The following MSRA variants were observed in gnomAD, a reference collection of about 807,000 sequenced individuals.
The protein encoded by MSRA is methionine sulfoxide reductase A, also known as mitochondrial peptide methionine sulfoxide reductase.
Under a neutral mutation model 31.3 loss-of-function variants are expected in MSRA, and 54 were observed. The observed-to-expected ratio is 1.73, with a 90% CI of 1.39 to 2.17. MSRA has a LOEUF of 2.17. Among genes scored for constraint, MSRA ranks in the 30% most tolerant of loss-of-function variants. The probability of loss-of-function intolerance (pLI) is 0.00; values close to 1 mark genes in which losing one functional copy is unlikely to be tolerated. For missense variants in MSRA, 507 were observed against 300.9 expected (o/e 1.69, Z -5.07); for synonymous variants, 169 against 116.5 (o/e 1.45, Z -2.90).
intron 1 of MSRA, among the ~76,000 whole-genome samples, chr8:10,081,940 A>T: frequency 6.6e-6 from 1 of 152,276 alleles, no homozygotes; most frequent in East Asian, 1.9e-4. Flanking sequence ...TTGGTGGCTC[A>T]TGCCTGTGTC....
At chr8:10,118,517 C>G (rs1224619551) in intron 1 of MSRA, among the ~76,000 whole-genome samples, 1 of 152,092 alleles carries the variant, frequency 6.6e-6, no homozygotes, top group Admixed American at 6.5e-5. Context: ...CTCTATTTCC[C>G]CCACCATAGA....
intron 3 of MSRA, among the ~76,000 whole-genome samples, chr8:10,300,166 A>G (rs1400632878): frequency 6.6e-6 from 1 of 151,790 alleles, no homozygotes; most frequent in Non-Finnish European, 1.5e-5. Flanking sequence ...GTGCATGCAC[A>G]CATCTGGTAG....
intron 3 of MSRA, among the ~76,000 whole-genome samples, chr8:10,248,871 C>T (rs540937125): frequency 2.0e-5 from 3 of 152,298 alleles, no homozygotes; most frequent in Admixed American, 6.5e-5. Flanking sequence ...AGAATAAAGT[C>T]GCCCATTGAG....
intron 1 of MSRA, among the ~76,000 whole-genome samples, chr8:10,143,985 GT>G (rs994826720): frequency 6.6e-6 from 1 of 152,130 alleles, no homozygotes; most frequent in African/African-American, 2.4e-5. Context: ...AGGATGTTCT[GT>G]GGTGAATCAC....
intron 2 of MSRA, among the ~76,000 whole-genome samples, chr8:10,223,467 A>G (rs1183174103): frequency 3.3e-5 from 5 of 152,206 alleles, no homozygotes; most frequent in African/African-American, 1.2e-4. Flanking sequence ...TCCACAGACC[A>G]CTGGGATAGA....
chr8:10,336,489 T>C (rs1202842522), intron 5 of MSRA, among the ~76,000 whole-genome samples: 1 of 152,116 alleles, frequency 6.6e-6, no homozygotes. Context: ...AAAGTCGTCA[T>C]TGAAAATTGC....
At chr8:10,371,001 A>T (rs998854537) in intron 5 of MSRA, among the ~76,000 whole-genome samples, 3 of 152,130 alleles carry the variant, frequency 2.0e-5, no homozygotes, top group Non-Finnish European at 4.4e-5. Context: ...CACAATTCAA[A>T]TCCACCCTCT....
At chr8:10,220,427 C>G (rs1211419776) in intron 2 of MSRA, among the ~76,000 whole-genome samples, 1 of 152,192 alleles carries the variant, frequency 6.6e-6, no homozygotes, top group African/African-American at 2.4e-5. Flanking sequence ...TCAAAACAAT[C>G]TTTCAAAAAT....
At chr8:10,094,351 T>A (rs1040447865) in intron 1 of MSRA, among the ~76,000 whole-genome samples, 1 of 152,252 alleles carries the variant, frequency 6.6e-6, no homozygotes, top group African/African-American at 2.4e-5. Flanking sequence ...TATGCAAGAC[T>A]TTGAGTTTTC....
chr8:10,216,289 A>T (rs1185367101), intron 2 of MSRA, among the ~76,000 whole-genome samples: 1 of 152,258 alleles, frequency 6.6e-6, no homozygotes, highest in South Asian at 2.1e-4. Context: ...TACACAAAGA[A>T]TGCATGTCAT....
intron 2 of MSRA, among the ~76,000 whole-genome samples, chr8:10,242,228 G>A (rs1159188781): frequency 3.3e-5 from 5 of 150,962 alleles, no homozygotes; most frequent in Admixed American, 6.6e-5. Context: ...CCGAGATTGC[G>A]CCACTGAACT....
At chr8:10,275,424 A>G (rs1799271799) in intron 3 of MSRA, among the ~76,000 whole-genome samples, 1 of 152,236 alleles carries the variant, frequency 6.6e-6, no homozygotes, top group Non-Finnish European at 1.5e-5. Context: ...TTGTAGATGC[A>G]TCTTCTTTTC....
intron 5 of MSRA, among the ~76,000 whole-genome samples, chr8:10,396,772 A>C (rs1001440124): frequency 3.9e-5 from 6 of 152,128 alleles, no homozygotes; most frequent in African/African-American, 1.2e-4. Flanking sequence ...TGGAACCTCA[A>C]GATTGTTAAG....
intron 1 of MSRA, among the ~76,000 whole-genome samples, chr8:10,071,988 G>A (rs1459017560): frequency 2.0e-5 from 3 of 152,144 alleles, no homozygotes; most frequent in Non-Finnish European, 4.4e-5. Flanking sequence ...CCTCGTGGCT[G>A]CCCGTACGGG....
At chr8:10,182,048 A>G (rs1806591032) in intron 1 of MSRA, among the ~76,000 whole-genome samples, 1 of 152,124 alleles carries the variant, frequency 6.6e-6, no homozygotes, top group Admixed American at 6.5e-5. Flanking sequence ...ACATGACCCC[A>G]TCTACAGCTC....
intron 5 of MSRA, among the ~76,000 whole-genome samples, chr8:10,387,829 A>G (rs1219006831): frequency 6.6e-6 from 1 of 152,160 alleles, no homozygotes; most frequent in Non-Finnish European, 1.5e-5. Flanking sequence ...CGGGGGAAGA[A>G]GTTTGTTTCT....
intron 5 of MSRA, among the ~76,000 whole-genome samples, chr8:10,405,514 T>C (rs10216979): frequency 0.16 from 23,840 of 152,174 alleles, 2,972 homozygotes; most frequent in East Asian, 0.45. Context: ...CATTTTTTTT[T>C]CCTTCTTTTT....
intron 1 of MSRA, among the ~76,000 whole-genome samples, chr8:10,161,385 T>G (rs1804632634): frequency 6.6e-6 from 1 of 152,206 alleles, no homozygotes; most frequent in Non-Finnish European, 1.5e-5. Flanking sequence ...CATTAGGTAC[T>G]TGGGTGATGA....
At chr8:10,082,353 C>T (rs1798337973) in intron 1 of MSRA, among the ~76,000 whole-genome samples, 2 of 152,152 alleles carry the variant, frequency 1.3e-5, no homozygotes, top group South Asian at 2.1e-4. Context: ...GAAGGGGGAC[C>T]TCTAACCCTG....
Sources: gnomAD v4.1 joint callset for allele counts (sites outside exome capture counted in the v4.1 genomes callset) on GRCh38, gnomAD v4.1.1 for gene constraint, MANE v1.5 for transcripts, NCBI Gene and HGNC (gene_info 2026-07-23, HGNC 2026-07-21) for gene names.